Variants in TP53BP2 observed in about 807,000 individuals in gnomAD.
The protein encoded by TP53BP2 is apoptosis-stimulating of p53 protein 2.
In TP53BP2, 62 loss-of-function variants were observed where a neutral mutation model predicts 126.2. That is an observed-to-expected ratio of 0.49 (90% CI 0.40 to 0.61). The LOEUF is 0.61. Ranked by LOEUF, TP53BP2 falls within the 20% of genes least tolerant of loss-of-function variation. The pLI is 0.00. For synonymous variants in TP53BP2, 485 were observed against 502.9 expected, an observed-to-expected ratio of 0.96 and a Z score of 0.48; for missense variants, 1,215 against 1,402.8, an observed-to-expected ratio of 0.87 and a Z score of 2.14.
At chr1:223,788,415 T>A (rs1571837765) in intron 16 of TP53BP2, among the ~76,000 whole-genome samples, 1 of 152,288 alleles carries the variant, frequency 6.6e-6, no homozygotes, top group South Asian at 2.1e-4. Flanking sequence ...CAAAAAAAAT[T>A]TTCCTTGTAT....
chr1:223,820,996 T>G, intron 2 of TP53BP2: 1 of 589,722 alleles, frequency 1.7e-6, no homozygotes, highest in Non-Finnish European at 3.0e-6. Flanking sequence ...CAGATGACCT[T>G]TTGTATTTTA....
intron 1 of TP53BP2, among the ~76,000 whole-genome samples, chr1:223,831,228 TAAAA>T (rs34353727): frequency 6.0e-5 from 8 of 133,114 alleles, no homozygotes; most frequent in African/African-American, 2.2e-4. Flanking sequence ...CCATTTATAT[TAAAA>T]AAAAAAAAAA....
intron 4 of TP53BP2, among the ~76,000 whole-genome samples, chr1:223,808,966 C>T (rs2102860496): frequency 1.3e-5 from 2 of 152,182 alleles, no homozygotes; most frequent in South Asian, 4.2e-4. Context: ...CTGACCATAC[C>T]AAACTTTGGC....
At chr1:223,832,025 G>A (rs1378932643) in intron 1 of TP53BP2, among the ~76,000 whole-genome samples, 1 of 151,972 alleles carries the variant, frequency 6.6e-6, no homozygotes, top group Admixed American at 6.6e-5. Context: ...ATCAAAATCT[G>A]AAAGACTTTT....
At chr1:223,824,114 G>C (rs923040876) in intron 1 of TP53BP2, among the ~76,000 whole-genome samples, 31 of 152,274 alleles carry the variant, frequency 2.0e-4, no homozygotes, top group African/African-American at 7.5e-4. Flanking sequence ...CTACTGAAAT[G>C]AGAAAGGTAC....
At chr1:223,822,213 C>CA (rs149499257) in intron 1 of TP53BP2, among the ~76,000 whole-genome samples, 16,911 of 152,030 alleles carry the variant, frequency 0.11, 1,159 homozygotes, top group African/African-American at 0.2. Flanking sequence ...TGCGCCCGGC[C>CA]AAAAAATTGT....
At chr1:223,806,815 A>T (rs753310603) in intron 5 of TP53BP2, 31 bp downstream of exon 5, 1 of 1,562,582 alleles carries the variant, frequency 6.4e-7, no homozygotes, top group African/African-American at 1.4e-5. Flanking sequence ...CAGAGTGAGC[A>T]TTCATCTCCA....
At position 223,845,847 on chromosome 1, in the gene TP53BP2, C is replaced by G; in HGVS notation, c.-167G>C. ...AGGGCCCTCCGCGCGGGCTGGGGCA[C>G]CAACAAGCCCCGGGCTCCCCCGCCC... On this transcript the variant is annotated 5_prime_UTR_variant, in exon 1 of 18. Coordinates refer to ENST00000343537, the MANE Select transcript of TP53BP2 (RefSeq NM_001031685.3). 1 of 455,852 alleles carries G rather than the reference C, an allele frequency of 2.2e-6. No homozygotes were observed. Among genetic ancestry groups the G allele is most frequent in the Non-Finnish European group, 3.4e-6 (1 of 294,860 alleles). 28.2% of individuals were successfully genotyped at this position (455,852 alleles called of 1,614,324 possible). A position where few individuals can be genotyped will look rare whatever the true frequency, so the allele number is the denominator to read the frequency against.
chr1:223,838,462 C>A (rs1402853549), intron 1 of TP53BP2, among the ~76,000 whole-genome samples: 3 of 152,216 alleles, frequency 2.0e-5, no homozygotes. Flanking sequence ...ACTACACGGG[C>A]AGCCCTGAAG....
chr1:223,789,988 GA>G (rs901058629), intron 15 of TP53BP2, among the ~76,000 whole-genome samples: 3 of 151,308 alleles, frequency 2.0e-5, no homozygotes, highest in East Asian at 1.9e-4. Context: ...ATACAGACTT[GA>G]AAAAAAAATT....
chr1:223,845,709 G>T lies in TP53BP2; in HGVS notation c.-29C>A. Reference sequence around the variant, plus strand: ...AGCGGGTGGCCAGACTGCGGCCCCGGCCGAGCTGAGGTGCCCCGGAGGGTC... The same window carrying T: ...AGCGGGTGGCCAGACTGCGGCCCCGTCCGAGCTGAGGTGCCCCGGAGGGTC... On this transcript the variant is annotated 5_prime_UTR_variant, in exon 1 of 18. Transcript: ENST00000343537. The T allele has an allele frequency of 6.5e-7, 1 of 1,530,576 alleles. No homozygotes were observed. The allele number at this position is 1,530,576 out of a possible 1,614,324, so 94.8% of individuals were successfully genotyped here.
intron 8 of TP53BP2, 167 bp downstream of exon 8, chr1:223,802,564 T>C (rs961055358): frequency 4.1e-6 from 4 of 969,406 alleles, no homozygotes; most frequent in South Asian, 1.6e-5. Flanking sequence ...GGTAATAACA[T>C]TAAAAAGTAA....
intron 13 of TP53BP2, 32 bp from the exon 14 acceptor site, chr1:223,793,472 C>T (rs202185877): frequency 1.3e-6 from 2 of 1,521,668 alleles, no homozygotes; most frequent in Non-Finnish European, 8.8e-7. Flanking sequence ...AATTTAGGAT[C>T]CTCGTCTATG....
Position 223,784,174 on chromosome 1 carries a change from C to A in TP53BP2, c.3304G>T (p.Glu1102Ter). The change falls in exon 17 of 18, where the codon GAA becomes TAA. Residue 1102 changes from glutamate to a stop codon, truncating the protein, a stop_gained. Coordinates refer to ENST00000343537, the MANE Select transcript of TP53BP2 (RefSeq NM_001031685.3). LOFTEE classifies it high-confidence loss of function. ...IIHREDEDEI[E>*]WWWARLNDKE... ...TCATTAAGGCGCGCCCACCACCATT[C>A]GATTTCATCTTCGTCTTCCCTGTGG... 6.2e-7 allele frequency: 1 copy of A among 1,614,198 alleles called. No individual in the cohort carries two copies. The highest frequency in any genetic ancestry group is 8.5e-7 in the Non-Finnish European group (1 of 1,180,034).
chr1:223,804,299 T>C lies in TP53BP2; in HGVS notation c.524A>G (p.Gln175Arg). Reference protein sequence around the residue: ...LKQQDQRQQQQVAEQEKLKRL... With the variant: ...LKQQDQRQQQRVAEQEKLKRL... Reference sequence around the variant, plus strand: ...TTTAAGTTTCTCCTGCTCAGCAACTTGTTGCTGTTGTCGCTGATCTTGTTG... The same window carrying C: ...TTTAAGTTTCTCCTGCTCAGCAACTCGTTGCTGTTGTCGCTGATCTTGTTG... The change falls in exon 6 of 18, where the codon CAA becomes CGA. Residue 175 changes from glutamine to arginine, a missense_variant. Physicochemically the swap from Gln to Arg is conservative, Grantham distance 43. This residue lies in a region of TP53BP2 where 814 missense variants were observed against 853.0 expected (regional missense o/e 0.95). Coordinates refer to ENST00000343537, the MANE Select transcript of TP53BP2 (RefSeq NM_001031685.3). 6.2e-7 allele frequency: 1 copy of C among 1,614,058 alleles called. No individual in the cohort carries two copies. Among genetic ancestry groups the C allele is most frequent in the Non-Finnish European group, 8.5e-7 (1 of 1,180,016 alleles).
At chr1:223,830,652 C>A (rs1663665635) in intron 1 of TP53BP2, among the ~76,000 whole-genome samples, 1 of 151,836 alleles carries the variant, frequency 6.6e-6, no homozygotes, top group African/African-American at 2.4e-5. Context: ...ATGGAAAAGT[C>A]TTTAAACAGG....
intron 1 of TP53BP2, among the ~76,000 whole-genome samples, chr1:223,839,189 T>C (rs12745879): frequency 0.14 from 21,404 of 152,240 alleles, 2,019 homozygotes; most frequent in Middle Eastern, 0.21. Context: ...GAGTATGTGT[T>C]TGCAGGCAGA....
chr1:223,785,782 G>T (rs1017989039), intron 16 of TP53BP2, among the ~76,000 whole-genome samples: 2 of 152,082 alleles, frequency 1.3e-5, no homozygotes, highest in African/African-American at 4.8e-5. Flanking sequence ...TTTTTGAGGG[G>T]ACTAAAAACA....
chr1:223,820,344 C>T (rs1282292936), intron 2 of TP53BP2, among the ~76,000 whole-genome samples: 3 of 152,310 alleles, frequency 2.0e-5, no homozygotes, highest in Non-Finnish European at 4.4e-5. Flanking sequence ...GAGGAGAAGT[C>T]GCTAGTTTTA....
Sources: gnomAD v4.1 joint callset for allele counts (sites outside exome capture counted in the v4.1 genomes callset) on GRCh38, gnomAD v4.1.1 for gene constraint, gnomAD v4.1.1 regional missense constraint, MANE v1.5 for transcripts, NCBI Gene and HGNC (gene_info 2026-07-23, HGNC 2026-07-21) for gene names.